The following ATOSA variants were observed in gnomAD, a reference collection of about 807,000 sequenced individuals.
ATOSA encodes the protein atos homolog A.
the ATOSA span, among the ~76,000 whole-genome samples, chr15:52,631,526 G>A: frequency 9.9e-5 from 15 of 152,198 alleles, no homozygotes; most frequent in Non-Finnish European, 1.8e-4. Flanking sequence ...AAAGGATACA[G>A]AGCTGATAAA....
chr15:52,623,012 A>G, the ATOSA span, among the ~76,000 whole-genome samples: 1 of 140,102 alleles, frequency 7.1e-6, no homozygotes, highest in Non-Finnish European at 1.6e-5. Context: ...TAAATAAATA[A>G]AGCCAGGTGT....
At chr15:52,599,400 G>A in the ATOSA span, among the ~76,000 whole-genome samples, 31 of 152,212 alleles carry the variant, frequency 2.0e-4, no homozygotes, top group African/African-American at 6.3e-4. Context: ...CTAAGACTGT[G>A]AAAGATAGCT....
At chr15:52,639,535 ATAGCAAT>A in the ATOSA span, among the ~76,000 whole-genome samples, 1 of 152,224 alleles carries the variant, frequency 6.6e-6, no homozygotes, top group African/African-American at 2.4e-5. Context: ...AGTCTGGGAA[ATAGCAAT>A]TTAGTGCCAG....
At chr15:52,670,971 G>A in the ATOSA span, among the ~76,000 whole-genome samples, 1 of 151,970 alleles carries the variant, frequency 6.6e-6, no homozygotes, top group South Asian at 2.1e-4. Flanking sequence ...TAGTCTATCC[G>A]ACTTGTACTT....
chr15:52,601,114 G>T, the ATOSA span: 1 of 1,540,804 alleles, frequency 6.5e-7, no homozygotes, highest in Non-Finnish European at 8.7e-7. Flanking sequence ...TTCAGATGTA[G>T]TAATGAAGAA....
the ATOSA span, among the ~76,000 whole-genome samples, chr15:52,705,722 T>C: frequency 5.3e-5 from 8 of 152,168 alleles, no homozygotes; most frequent in Admixed American, 4.6e-4. Flanking sequence ...AGGGCTCTCT[T>C]ATCTTTAATG....
the ATOSA span, among the ~76,000 whole-genome samples, chr15:52,675,534 T>C: frequency 6.6e-6 from 1 of 152,144 alleles, no homozygotes; most frequent in Non-Finnish European, 1.5e-5. Flanking sequence ...ATAATCTGAG[T>C]CTCTACATTA....
the ATOSA span, among the ~76,000 whole-genome samples, chr15:52,663,481 C>T: frequency 6.6e-6 from 1 of 152,112 alleles, no homozygotes; most frequent in East Asian, 1.9e-4. Flanking sequence ...ATAAATACTA[C>T]TGAATGAAAA....
chr15:52,590,017 A>G, the ATOSA span, among the ~76,000 whole-genome samples: 3 of 152,048 alleles, frequency 2.0e-5, no homozygotes, highest in African/African-American at 7.2e-5. Flanking sequence ...TGAACTCCTG[A>G]CCTCAAGTTA....
At chr15:52,633,030 T>C in the ATOSA span, among the ~76,000 whole-genome samples, 18 of 152,182 alleles carry the variant, frequency 1.2e-4, no homozygotes, top group African/African-American at 1.9e-4. Context: ...GTAAGTCCAA[T>C]CAGAGCAAGT....
chr15:52,697,957 A>ATTTTTTTTTTTTTTT, the ATOSA span, among the ~76,000 whole-genome samples: 58 of 44,780 alleles, frequency 1.3e-3, 2 homozygotes, highest in Non-Finnish European at 1.9e-3. Flanking sequence ...GGGATGTAGA[A>ATTTTTTTTTTTTTTT]TTTTTTTTTT....
At chr15:52,706,093 G>C in the ATOSA span, among the ~76,000 whole-genome samples, 1 of 152,182 alleles carries the variant, frequency 6.6e-6, no homozygotes, top group Admixed American at 6.5e-5. Flanking sequence ...GAATGGGTTA[G>C]GGGAGATAGG....
chr15:52,626,865 C>A, the ATOSA span, among the ~76,000 whole-genome samples: 2 of 152,152 alleles, frequency 1.3e-5, no homozygotes, highest in Non-Finnish European at 2.9e-5. Context: ...AGTTTACTGT[C>A]AAGGTCATTC....
At chr15:52,694,582 C>T in the ATOSA span, among the ~76,000 whole-genome samples, 1 of 151,930 alleles carries the variant, frequency 6.6e-6, no homozygotes, top group Non-Finnish European at 1.5e-5. Context: ...AACTATAATC[C>T]CGCCACTTTG....
the ATOSA span, chr15:52,609,403 G>C: frequency 1.4e-5 from 22 of 1,613,840 alleles, no homozygotes; most frequent in Non-Finnish European, 1.8e-5. Flanking sequence ...TGACTGCCGG[G>C]GGATATGTGA....
At chr15:52,601,831 ACT>A in the ATOSA span, among the ~76,000 whole-genome samples, 4 of 152,092 alleles carry the variant, frequency 2.6e-5, 1 homozygote, top group South Asian at 6.3e-4. Context: ...TGTGTACCTG[ACT>A]CTCTGGTCTA....
At chr15:52,687,335 G>A in the ATOSA span, among the ~76,000 whole-genome samples, 1 of 152,236 alleles carries the variant, frequency 6.6e-6, no homozygotes, top group Non-Finnish European at 1.5e-5. Flanking sequence ...AGCCCGGGAG[G>A]CGGAGCATGC....
chr15:52,609,170 T>C, the ATOSA span: 1 of 1,613,554 alleles, frequency 6.2e-7, no homozygotes, highest in Non-Finnish European at 8.5e-7. Flanking sequence ...TGATTTCTTG[T>C]TTGATGTTTC....
the ATOSA span, chr15:52,611,706 T>C: frequency 1.2e-6 from 2 of 1,613,914 alleles, no homozygotes; most frequent in Non-Finnish European, 1.7e-6. Flanking sequence ...GTAGCATCAT[T>C]TCCACCATGA....
Sources: gnomAD v4.1 joint callset for allele counts (sites outside exome capture counted in the v4.1 genomes callset) on GRCh38, gnomAD v4.1.1 for gene constraint, MANE v1.5 for transcripts, NCBI Gene and HGNC (gene_info 2026-07-23, HGNC 2026-07-21) for gene names.